The following BRI3 variants were observed in gnomAD, a reference collection of about 807,000 sequenced individuals.
The protein encoded by BRI3 is brain protein I3.
In BRI3, 6 loss-of-function variants were observed where a neutral mutation model predicts 12.8. That is an observed-to-expected ratio of 0.47 (90% CI 0.26 to 0.93). BRI3 has a LOEUF of 0.93. Among genes scored for constraint, BRI3 ranks in the 40% least tolerant of loss-of-function variants. BRI3 has a pLI of 0.15. For missense variants in BRI3, 134 were observed against 171.1 expected (o/e 0.78, Z 1.21); for synonymous variants, 91 against 76.1 (o/e 1.20, Z -1.02).
the BRI3 span, among the ~76,000 whole-genome samples, chr7:98,316,328 G>A: frequency 2.6e-5 from 4 of 152,082 alleles, no homozygotes; most frequent in South Asian, 8.3e-4. Flanking sequence ...CATGAAAATG[G>A]AGTAATAAAA....
intron 2 of BRI3, among the ~76,000 whole-genome samples, chr7:98,290,181 G>GTTTTTTTTT (rs1180326213): frequency 9.8e-6 from 1 of 102,562 alleles, no homozygotes; most frequent in Admixed American, 1.1e-4. Flanking sequence ...TCTCAAGGTT[G>GTTTTTTTTT]TTTTTTTTTT....
the BRI3 span, among the ~76,000 whole-genome samples, chr7:98,320,817 A>T: frequency 2.0e-5 from 3 of 151,974 alleles, no homozygotes; most frequent in Admixed American, 1.3e-4. Flanking sequence ...AATTAATCAG[A>T]CAAATGCAAA....
downstream of BRI3, chr7:98,312,388 G>A (rs1800906370): frequency 3.0e-6 from 3 of 1,015,982 alleles, no homozygotes; most frequent in South Asian, 5.0e-5. Flanking sequence ...GGGGGCCCTG[G>A]GTTAAACTCG....
At chr7:98,284,835 C>G (rs541629386) in intron 2 of BRI3, among the ~76,000 whole-genome samples, 50 of 152,350 alleles carry the variant, frequency 3.3e-4, no homozygotes, top group African/African-American at 1.2e-3. Context: ...TCCTCCCACC[C>G]TCCTGCTTCA....
At chr7:98,289,345 G>C (rs1799820164) in intron 2 of BRI3, among the ~76,000 whole-genome samples, 1 of 152,258 alleles carries the variant, frequency 6.6e-6, no homozygotes, top group Non-Finnish European at 1.5e-5. Context: ...AACAGGTTCT[G>C]TGGGTGGGGT....
At chr7:98,283,840 C>G (rs1217276951) in intron 2 of BRI3, among the ~76,000 whole-genome samples, 1 of 152,182 alleles carries the variant, frequency 6.6e-6, no homozygotes. Flanking sequence ...CTGCCCAAAC[C>G]CCTGAACTTG....
chr7:98,318,109 C>T, the BRI3 span, among the ~76,000 whole-genome samples: 1 of 152,194 alleles, frequency 6.6e-6, no homozygotes, highest in Non-Finnish European at 1.5e-5. Flanking sequence ...CTGGTTAGAG[C>T]CCTCACCCCT....
downstream of BRI3, among the ~76,000 whole-genome samples, chr7:98,297,793 G>A (rs1800252287): frequency 2.0e-5 from 3 of 152,342 alleles, no homozygotes; most frequent in East Asian, 1.9e-4. Context: ...GGGCACTGGC[G>A]GCTCTCAGGA....
At chr7:98,304,377 C>T (rs1298508954), upstream of BRI3, 2 of 1,612,978 alleles carry the variant, frequency 1.2e-6, no homozygotes, top group Non-Finnish European at 1.7e-6. Context: ...TGGTGTGGGG[C>T]TCAAACCCAA....
chr7:98,284,605 C>T (rs868300641), intron 2 of BRI3, among the ~76,000 whole-genome samples: 13 of 152,230 alleles, frequency 8.5e-5, no homozygotes, highest in African/African-American at 1.2e-4. Flanking sequence ...AGGTCCAGCC[C>T]GCCGGGCTCT....
At chr7:98,308,179 G>A (rs1249606148) in exon 2 of BRI3, 5 of 581,598 alleles carry the variant, frequency 8.6e-6, no homozygotes, top group Middle Eastern at 2.7e-4. Flanking sequence ...GGTGTGTGCC[G>A]GGTTGATCTG....
At chr7:98,303,239 TATC>T (rs1426383856), upstream of BRI3, among the ~76,000 whole-genome samples, 2 of 152,154 alleles carry the variant, frequency 1.3e-5, no homozygotes, top group East Asian at 1.9e-4. Context: ...ATCCGTTTCA[TATC>T]ATCAAGACAC....
intron 1 of BRI3, 88 bp downstream of exon 1, chr7:98,282,025 G>T: frequency 1.5e-6 from 2 of 1,304,360 alleles, no homozygotes; most frequent in Non-Finnish European, 1.9e-6. Context: ...GGTGGGGCCC[G>T]CCCGGGGGTC....
upstream of BRI3, chr7:98,304,165 A>G (rs1450974237): frequency 3.3e-6 from 5 of 1,535,988 alleles, no homozygotes; most frequent in Admixed American, 1.0e-4. Flanking sequence ...CGAGTCCAGG[A>G]CCCAGGACGC....
upstream of BRI3, chr7:98,304,211 G>C (rs148664209): frequency 8.2e-5 from 131 of 1,601,310 alleles, no homozygotes; most frequent in African/African-American, 1.6e-3. Flanking sequence ...CCGCGGTCTC[G>C]GGCTTGGACG....
downstream of BRI3, chr7:98,315,342 C>T: frequency 1.0e-6 from 1 of 990,528 alleles, no homozygotes. Context: ...TGCCCAGGCC[C>T]ACCTCAGCCT....
downstream of BRI3, among the ~76,000 whole-genome samples, chr7:98,312,867 G>A (rs779212018): frequency 7.9e-5 from 12 of 152,178 alleles, no homozygotes; most frequent in Non-Finnish European, 1.8e-4. Flanking sequence ...TGGAGGCAGA[G>A]TGCCCCTCCA....
chr7:98,282,054 C>A (rs1799535232), intron 1 of BRI3, 117 bp downstream of exon 1: 4 of 1,300,724 alleles, frequency 3.1e-6, no homozygotes, highest in South Asian at 2.0e-5. Context: ...AGCTGGAGGT[C>A]CCCGGGCTGG....
downstream of BRI3, among the ~76,000 whole-genome samples, chr7:98,294,325 A>T (rs1482018401): frequency 6.6e-6 from 1 of 152,188 alleles, no homozygotes; most frequent in Non-Finnish European, 1.5e-5. Context: ...ACCCGAAGGT[A>T]AAGACATCTA....
Sources: gnomAD v4.1 joint callset for allele counts (sites outside exome capture counted in the v4.1 genomes callset) on GRCh38, gnomAD v4.1.1 for gene constraint, MANE v1.5 for transcripts, NCBI Gene and HGNC (gene_info 2026-07-23, HGNC 2026-07-21) for gene names.